The following CAMTA2 variants were observed in gnomAD, a reference collection of about 807,000 sequenced individuals.
CAMTA2 encodes calmodulin binding transcription activator 2.
In CAMTA2, 56 loss-of-function variants were observed where a neutral mutation model predicts 135.7. That is an observed-to-expected ratio of 0.41 (90% CI 0.33 to 0.52). The LOEUF (loss-of-function observed/expected upper bound fraction) is 0.52. CAMTA2 is among the 20% of genes least tolerant of loss of function. CAMTA2 has a pLI of 0.16. For synonymous variants in CAMTA2, 591 were observed against 604.6 expected, an observed-to-expected ratio of 0.98 and a Z score of 0.33; for missense variants, 1,358 against 1,553.4, an observed-to-expected ratio of 0.87 and a Z score of 2.11.
chr17:4,979,264 A>C (rs150169837), intron 9 of CAMTA2: 4,657 of 156,494 alleles, frequency 0.03, 223 homozygotes, highest in African/African-American at 0.11. Flanking sequence ...TAATCCCAGC[A>C]CTTTGGGAGG....
chr17:4,986,598 T>C, intron 1 of CAMTA2: 2 of 505,806 alleles, frequency 4.0e-6, no homozygotes, highest in Non-Finnish European at 7.0e-6. Context: ...ACTGGGGCTA[T>C]GGTTGGGTCA....
chr17:4,982,638 A>G, intron 5 of CAMTA2, 119 bp downstream of exon 5: 2 of 1,081,048 alleles, frequency 1.9e-6, no homozygotes, highest in Non-Finnish European at 2.7e-6. Context: ...TGAGAAGGGA[A>G]GAGTAACTGG....
chr17:4,970,625 C>G, intron 16 of CAMTA2, 89 bp from the exon 17 acceptor site: 1 of 1,039,726 alleles, frequency 9.6e-7, no homozygotes, highest in Non-Finnish European at 1.5e-6. Flanking sequence ...CCTTCTCTCC[C>G]TGCCAGGTGC....
rs1567703593 is a variant in CAMTA2, at chr17:4,987,651, CCAGCGCCG to C, written c.-131_-124del. The C allele has an allele frequency of 6.6e-7, 1 of 1,521,828 alleles. No homozygotes were observed. Among genetic ancestry groups the C allele is most frequent in the South Asian group, 1.2e-5 (1 of 82,480 alleles). 94.3% of individuals were successfully genotyped at this position (1,521,828 alleles called of 1,614,324 possible). On this transcript the variant is annotated 5_prime_UTR_variant, in exon 1 of 23. Coordinates refer to ENST00000348066, the MANE Select transcript of CAMTA2 (RefSeq NM_015099.4). The stretch of plus-strand genomic sequence containing the variant: ...CCATTCTACCCCACACCGACCCCCC[CCAGCGCCG>C]GCTGACAGCGGCGTCTAACGTCACT...
chr17:4,976,357 TAATG>T lies in CAMTA2; in HGVS notation c.1900+697_1900+700del, dbSNP rs375729157. On this transcript the variant is annotated intron_variant, in intron 11 of 22. Coordinates refer to ENST00000348066, the MANE Select transcript of CAMTA2 (RefSeq NM_015099.4). The stretch of plus-strand genomic sequence containing the variant: ...TTTTGTGTAATTTCCAAATTTCTGT[TAATG>T]AACACGTCTTTATATCAGAAAAGGA... Among the ~76,000 whole-genome samples the T allele has an allele frequency of 4.0e-3, 613 of 152,332 alleles. 2 individuals are homozygous for T. The highest frequency in any genetic ancestry group is 0.011 in the African/African-American group (459 of 41,568).
At chr17:4,984,011 C>T (rs1029730194) in intron 3 of CAMTA2, among the ~76,000 whole-genome samples, 65 of 152,096 alleles carry the variant, frequency 4.3e-4, no homozygotes, top group Non-Finnish European at 7.6e-4. Flanking sequence ...AGTGCAGTGG[C>T]GCCATCTCGG....
At position 4,984,864 on chromosome 17, in the gene CAMTA2, C is replaced by CA. The variant is rs1284993392; in HGVS notation, c.135+1015dup. On this transcript the variant is annotated intron_variant, in intron 3 of 22. Coordinates refer to ENST00000348066, the MANE Select transcript of CAMTA2 (RefSeq NM_015099.4). ...TGAAACCCCATCTCTACTAAAAATACAAAAATTAGCCAGGTGTGGTGGCGT... is the reference window on the plus strand; with the variant it reads ...TGAAACCCCATCTCTACTAAAAATACAAAAAATTAGCCAGGTGTGGTGGCGT... Among the ~76,000 whole-genome samples the CA allele has an allele frequency of 1.3e-4, 20 of 152,180 alleles. No homozygotes were observed. The East Asian group carries it at 3.7e-3, about 28-fold the overall frequency.
rs79255821 is a variant in CAMTA2, at chr17:4,979,750, C to T, written c.1572G>A (p.Pro524=). 58,347 of 1,613,922 alleles carry T rather than the reference C, an allele frequency of 0.036. 2,566 individuals are homozygous for T. Among genetic ancestry groups the T allele is most frequent in the East Asian group, 0.22 (9,669 of 44,844 alleles). Reference sequence around the variant, plus strand: ...TAAGAGCAGGAGACAGCTGGGGGGTCGGAGCAGGGATGCTTGGAGCTTCGT... The same window carrying T: ...TAAGAGCAGGAGACAGCTGGGGGGTTGGAGCAGGGATGCTTGGAGCTTCGT... ...ISDEAPSIPA[P]TPQLSPALST... is the part of the protein sequence containing the mutation. Residue 524 remains proline (P), a synonymous_variant, in exon 9 of 23, where the codon CCG becomes CCA. Transcript: ENST00000348066.
At position 4,968,089 on chromosome 17, in the gene CAMTA2, T is replaced by G; in HGVS notation, c.*667A>C. On this transcript the variant is annotated 3_prime_UTR_variant, in exon 23 of 23. Transcript: ENST00000348066. ...AGCCGGCAGGAGGCCCCCGCCGCGC[T>G]AGAGAACCACAAGCCCGGCCGTGCA... The G allele has an allele frequency of 2.0e-6, 1 of 494,212 alleles. No individual in the cohort carries two copies. The allele number at this position is 494,212 out of a possible 1,614,324, so 30.6% of individuals were successfully genotyped here. A position where few individuals can be genotyped will look rare whatever the true frequency, so the allele number is the denominator to read the frequency against.
At chr17:4,978,160 T>C (rs1972734159) in intron 10 of CAMTA2, among the ~76,000 whole-genome samples, 1 of 152,234 alleles carries the variant, frequency 6.6e-6, no homozygotes, top group African/African-American at 2.4e-5. Flanking sequence ...TTGGAGACTC[T>C]GGCTCTAAGC....
chr17:4,973,143 C>T (rs1170119370), intron 14 of CAMTA2, 32 bp downstream of exon 14: 12 of 1,588,656 alleles, frequency 7.6e-6, no homozygotes, highest in Non-Finnish European at 1.0e-5. Context: ...TGCTCCCTGC[C>T]CCATATGCGC....
chr17:4,981,068 C>G (rs1477459230), intron 8 of CAMTA2, among the ~76,000 whole-genome samples, 157 bp downstream of exon 8: 2 of 152,182 alleles, frequency 1.3e-5, no homozygotes, highest in African/African-American at 4.8e-5. Context: ...AGTGTGCACC[C>G]AGATGGGAAC....
In CAMTA2 at chr17:4,970,551, A is replaced by C. The variant is rs147242428; in HGVS notation, c.2809-15T>G. 142 of 1,603,588 alleles carry C rather than the reference A, an allele frequency of 8.9e-5. 1 individual carries two copies. The highest frequency in any genetic ancestry group is 3.3e-4 in the South Asian group (30 of 91,056). On this transcript the variant is annotated splice_polypyrimidine_tract_variant and intron_variant, in intron 16 of 22. Transcript: ENST00000348066. ...ATCATGTCCACCTGGAAGAAGGGAG[A>C]AGCTGAGTGAGTCCTTAGGGGCCCC...
chr17:4,969,348 G>T lies in CAMTA2; in HGVS notation c.3283-11C>A, dbSNP rs113624377. ...CTTATAGAGTGCAAACTGCAGGGGT[G>T]GGGAGGAGGGACAGGGGCTGAAATA... is the stretch of plus-strand genomic sequence containing the variant. On this transcript the variant is annotated splice_polypyrimidine_tract_variant and intron_variant, in intron 20 of 22. Transcript: ENST00000348066. The surrounding 1 kb of genome is among the most constrained non-coding windows in gnomAD (Gnocchi z 5.6). The T allele has an allele frequency of 1.2e-5, 20 of 1,613,416 alleles. No individual in the cohort carries two copies. In the African/African-American group the frequency reaches 1.3e-4, roughly 11 times the overall value.
rs1567696931 is a variant in CAMTA2, at chr17:4,981,314, G to A, written c.611C>T (p.Ser204Phe). 6.2e-7 allele frequency: 1 copy of A among 1,614,162 alleles called. No individual in the cohort carries two copies. The highest frequency in any genetic ancestry group is 1.1e-5 in the South Asian group (1 of 91,088). Residue 204 changes from serine to phenylalanine, a missense_variant, in exon 8 of 23, where the codon TCT becomes TTT. Ser to Phe is a radical substitution (Grantham distance 155). This residue lies in a region of CAMTA2 where 1,077 missense variants were observed against 1,127.5 expected (regional missense o/e 0.96). Coordinates refer to ENST00000348066, the MANE Select transcript of CAMTA2 (RefSeq NM_015099.4). ...WSCGNGTEEF[S>F]VEHLVQQILD... ...AATCTGCTGCACCAGGTGTTCTACA[G>A]AGAACTCTTCTGTTCCATTCCCGCA...
intron 5 of CAMTA2, among the ~76,000 whole-genome samples, chr17:4,982,552 G>A (rs1973020591): frequency 6.6e-6 from 1 of 152,242 alleles, no homozygotes; most frequent in African/African-American, 2.4e-5. Context: ...CATGGCCTAC[G>A]GCCTGGATAG....
chr17:4,971,691 C>CTTTTTTTTT (rs748274165), intron 16 of CAMTA2, among the ~76,000 whole-genome samples: 1 of 131,894 alleles, frequency 7.6e-6, no homozygotes, highest in Non-Finnish European at 1.6e-5. Flanking sequence ...ACTATTTTGT[C>CTTTTTTTTT]TTTTTTTTTT....
Position 4,972,251 on chromosome 17 carries a change from T to C in CAMTA2, c.2789A>G (p.Gln930Arg). ...CAGTACCGGGATCACATCCACAGCC[T>C]GTGGGCTGTCAGCGTCCTCTGGAGC... ...GAAPEDADSP[Q>R]AVDVIPVDMI... The change falls in exon 16 of 23, where the codon CAG becomes CGG. Residue 930 changes from glutamine (Q) to arginine (R), a missense_variant. Physicochemically the swap from Gln to Arg is conservative, Grantham distance 43 (BLOSUM62 1). This residue lies in a region of CAMTA2 where 1,077 missense variants were observed against 1,127.5 expected (regional missense o/e 0.96). Transcript: ENST00000348066. The C allele has an allele frequency of 6.2e-7, 1 of 1,613,682 alleles. No individual in the cohort carries two copies. Among genetic ancestry groups the C allele is most frequent in the Non-Finnish European group, 8.5e-7 (1 of 1,179,670 alleles).
In CAMTA2 at chr17:4,980,035, T is replaced by A. The variant is rs1332476237; in HGVS notation, c.1287A>T (p.Pro429=). 1 of 1,613,634 alleles carries A rather than the reference T, an allele frequency of 6.2e-7. No homozygotes were observed. The highest frequency in any genetic ancestry group is 8.5e-7 in the Non-Finnish European group (1 of 1,179,922). ...LEPQAAARGP[P]PQSVAGGRRG... is the part of the protein sequence containing the mutation. Reference sequence around the variant, plus strand: ...TTCTCCCACCTGCTACTGACTGTGGTGGGGGACCCCGAGCAGCTGCCTGGG... The same window carrying A: ...TTCTCCCACCTGCTACTGACTGTGGAGGGGGACCCCGAGCAGCTGCCTGGG... Residue 429 remains proline (P), a synonymous_variant, in exon 9 of 23, where the codon CCA becomes CCT. Transcript: ENST00000348066. The surrounding 1 kb of genome is among the most constrained non-coding windows in gnomAD (Gnocchi z 5.3).
Sources: allele counts gnomAD v4.1 joint callset (sites outside exome capture counted in the v4.1 genomes callset), GRCh38; gene constraint gnomAD v4.1.1; regional missense constraint gnomAD v4.1.1; non-coding constraint Gnocchi (gnomAD v3.1); transcripts MANE v1.5; gene names NCBI Gene and HGNC (gene_info 2026-07-23, HGNC 2026-07-21).